Variants in ZC4H2 observed in about 807,000 individuals in gnomAD.
ZC4H2 encodes zinc finger C4H2 domain-containing protein.
For missense variants in ZC4H2, 137 were observed against 173.9 expected (o/e 0.79, Z 1.19); for synonymous variants, 84 against 66.3 (o/e 1.27, Z -1.30).
At chrX:65,007,196 G>C (rs992047193) in intron 1 of ZC4H2, among the ~76,000 whole-genome samples, 3 of 111,038 alleles carry the variant, frequency 2.7e-5, no homozygotes, top group African/African-American at 9.8e-5. Context: ...AGATCTTTCT[G>C]AGGGATAGTT....
intron 1 of ZC4H2, among the ~76,000 whole-genome samples, chrX:64,991,802 A>G (rs1932314692): frequency 8.9e-6 from 1 of 112,380 alleles, no homozygotes; most frequent in Non-Finnish European, 1.9e-5. Flanking sequence ...GAGTGGATAA[A>G]TAAGGTGTGG....
upstream of ZC4H2, among the ~76,000 whole-genome samples, chrX:64,976,995 G>A (rs1446888050): frequency 9.1e-6 from 1 of 110,452 alleles, no homozygotes; most frequent in African/African-American, 3.3e-5. Flanking sequence ...AAAGGAGAGT[G>A]GGTAAGTACT....
At chrX:65,016,704 C>T (rs1040904569) in intron 1 of ZC4H2, among the ~76,000 whole-genome samples, 5 of 111,916 alleles carry the variant, frequency 4.5e-5, no homozygotes, top group African/African-American at 1.6e-4. Flanking sequence ...GGGAACAGAG[C>T]ATCATGTTAT....
At chrX:64,986,567 G>A (rs894691094) in intron 1 of ZC4H2, among the ~76,000 whole-genome samples, 1 of 111,909 alleles carries the variant, frequency 8.9e-6, no homozygotes, top group Non-Finnish European at 1.9e-5. Context: ...CAAGAGGTAG[G>A]AGATGCAGAA....
chrX:64,935,017 C>T (rs1007455616), intron 1 of ZC4H2, among the ~76,000 whole-genome samples: 1 of 110,723 alleles, frequency 9.0e-6, no homozygotes, highest in African/African-American at 3.3e-5. Context: ...GCCAGGGAGC[C>T]AAGTAGTCTT....
chrX:64,920,294 A>T, intron 2 of ZC4H2, 41 bp from the exon 3 acceptor site: 1 of 1,168,203 alleles, frequency 8.6e-7, no homozygotes. Context: ...AAAGATCCTA[A>T]GGTTCTCAGA....
chrX:64,957,640 G>A (rs1222202307), intron 1 of ZC4H2, among the ~76,000 whole-genome samples: 1 of 110,152 alleles, frequency 9.1e-6, no homozygotes, highest in Non-Finnish European at 1.9e-5. Context: ...CAGGAGGATC[G>A]CTTGAGGCCA....
intron 1 of ZC4H2, among the ~76,000 whole-genome samples, chrX:64,938,900 C>G (rs1160863822): frequency 8.9e-6 from 1 of 112,222 alleles, no homozygotes; most frequent in African/African-American, 3.2e-5. Flanking sequence ...CCCTCTCTCA[C>G]CACTTCTATT....
At position 64,919,030 on chromosome X, in the gene ZC4H2, C is replaced by T; in HGVS notation, c.561+12G>A. The T allele has an allele frequency of 1.7e-6, 2 of 1,150,201 alleles. No homozygotes were observed. 94.8% of individuals were successfully genotyped at this position (1,150,201 alleles called of 1,213,427 possible). A position where few individuals can be genotyped will look rare whatever the true frequency, so the allele number is the denominator to read the frequency against. ...CTTTGCTTCCTCCACAACCATTACC[C>T]AGCTCACTTACCTTCATAGGTGGGG... On this transcript the variant is annotated intron_variant, in intron 4 of 4. Transcript: ENST00000374839.
At chrX:64,989,714 T>C (rs1468693289) in intron 1 of ZC4H2, among the ~76,000 whole-genome samples, 1 of 112,279 alleles carries the variant, frequency 8.9e-6, no homozygotes, top group Non-Finnish European at 1.9e-5. Context: ...TAAACAATTG[T>C]CAAAAGATAT....
At chrX:64,922,287 A>G (rs1309560953) in intron 1 of ZC4H2, 3 of 253,321 alleles carry the variant, frequency 1.2e-5, no homozygotes, top group Non-Finnish European at 1.9e-5. Context: ...AAAAAAAGAA[A>G]AAGAAAAAGA....
intron 1 of ZC4H2, among the ~76,000 whole-genome samples, chrX:64,996,663 AT>A (rs1295385868): frequency 8.9e-6 from 1 of 111,889 alleles, no homozygotes; most frequent in Non-Finnish European, 1.9e-5. Context: ...AACCAAACAG[AT>A]TTTTAAGCTG....
At chrX:64,919,295 G>A (rs1158081607) in intron 3 of ZC4H2, 91 bp from the exon 4 acceptor site, 1 of 1,050,307 alleles carries the variant, frequency 9.5e-7, no homozygotes, top group Non-Finnish European at 1.3e-6. Context: ...ACCAAGGGTT[G>A]AGCTGTGGCT....
At position 65,031,477 on chromosome X, in the gene ZC4H2, G is replaced by T. The variant is rs914709799; in HGVS notation, c.-272+3152C>A. ...ATCTACTGTGCCAGCACAGAGTTCTGTTTTTGAAGAACTCACTGATTTGTA... is the reference window on the plus strand; with the variant it reads ...ATCTACTGTGCCAGCACAGAGTTCTTTTTTTGAAGAACTCACTGATTTGTA... On this transcript the variant is annotated intron_variant, in intron 1 of 4. Coordinates refer to the ZC4H2 transcript ENST00000337990. 3.9e-4 allele frequency among the ~76,000 whole-genome samples: 43 copies of T among 110,056 alleles called. 1 individual carries two copies. The highest frequency in any genetic ancestry group is 7.6e-5 in the Non-Finnish European group (4 of 52,706).
At chrX:64,987,464 GTT>G (rs777964481) in intron 1 of ZC4H2, among the ~76,000 whole-genome samples, 60 of 91,923 alleles carry the variant, frequency 6.5e-4, no homozygotes, top group African/African-American at 1.8e-3. Context: ...GGTTTGCTGG[GTT>G]TTTTTTTTTT....
intron 1 of ZC4H2, among the ~76,000 whole-genome samples, chrX:64,932,823 T>C (rs1208519717): frequency 9.0e-6 from 1 of 111,387 alleles, no homozygotes; most frequent in Non-Finnish European, 1.9e-5. Flanking sequence ...GATAACCTGG[T>C]GACCCTGTGC....
intron 1 of ZC4H2, among the ~76,000 whole-genome samples, chrX:64,926,156 G>T (rs1026647589): frequency 9.0e-6 from 1 of 111,578 alleles, no homozygotes; most frequent in Non-Finnish European, 1.9e-5. Context: ...TTCAATAGTG[G>T]TGCATCAAGT....
At chrX:64,995,173 A>G (rs773926892) in intron 1 of ZC4H2, among the ~76,000 whole-genome samples, 1 of 110,197 alleles carries the variant, frequency 9.1e-6, no homozygotes, top group African/African-American at 3.3e-5. Context: ...AAACAACTCC[A>G]TTCCCATCCC....
intron 1 of ZC4H2, among the ~76,000 whole-genome samples, chrX:64,948,748 G>T (rs1022489523): frequency 1.8e-5 from 2 of 111,778 alleles, no homozygotes; most frequent in South Asian, 3.7e-4. Context: ...ACTGAAAAAA[G>T]TTTTATATGC....
Sources: gnomAD v4.1 joint callset for allele counts (sites outside exome capture counted in the v4.1 genomes callset) on GRCh38, gnomAD v4.1.1 for gene constraint, MANE v1.5 for transcripts, NCBI Gene and HGNC (gene_info 2026-07-23, HGNC 2026-07-21) for gene names.